The following SBF2 variants were observed in gnomAD, a reference collection of about 807,000 sequenced individuals.
SBF2 encodes the protein SET binding factor 2.
A neutral mutation model predicts 225.2 loss-of-function variants in SBF2; 112 were observed. The observed-to-expected ratio is 0.50, with a 90% CI of 0.43 to 0.58. The LOEUF is 0.58. SBF2 is among the 20% of genes least tolerant of loss of function. The pLI, the probability that SBF2 is intolerant of heterozygous loss-of-function variation, is 0.00. For synonymous variants in SBF2, 763 were observed against 773.3 expected, an observed-to-expected ratio of 0.99 and a Z score of 0.22; for missense variants, 1,996 against 2,206.2, an observed-to-expected ratio of 0.90 and a Z score of 1.91.
rs535598759 is a variant in SBF2 at position 10,132,747 on chromosome 11, C to T, written c.141+61155G>A. Among the ~76,000 whole-genome samples the T allele has an allele frequency of 2.8e-4, 42 of 148,894 alleles. 1 individual carries two copies. The Middle Eastern group carries it at 0.01, about 37-fold the overall frequency. On this transcript the variant is annotated intron_variant, in intron 2 of 39. Coordinates refer to ENST00000256190, the MANE Select transcript of SBF2 (RefSeq NM_030962.4). Reference sequence around the variant, plus strand: ...CCCGAGCGGGTTGCCAATGCTGGCTCGGGCAGCCTGCTTTTGTTCTGTTAT... The same window carrying T: ...CCCGAGCGGGTTGCCAATGCTGGCTTGGGCAGCCTGCTTTTGTTCTGTTAT...
At chr11:9,829,326 G>A in intron 28 of SBF2, 30 bp downstream of exon 28, 1 of 1,611,466 alleles carries the variant, frequency 6.2e-7, no homozygotes, top group Non-Finnish European at 8.5e-7. Context: ...ATTAGAAGCT[G>A]TCAAGAAGAA....
chr11:10,234,284 A>G (rs1041753067), intron 1 of SBF2, among the ~76,000 whole-genome samples: 1 of 152,014 alleles, frequency 6.6e-6, no homozygotes, highest in Non-Finnish European at 1.5e-5. Flanking sequence ...GGCATCAAGG[A>G]TGTATCTTTT....
Position 9,958,605 on chromosome 11 carries a change from G to T in SBF2, c.1860+3352C>A, listed in dbSNP as rs549506641. 10 of 211,330 alleles carry T rather than the reference G, an allele frequency of 4.7e-5. No individual in the cohort carries two copies. The East Asian group carries it at 1.2e-3, about 26-fold the overall frequency. The allele number at this position is 211,330 out of a possible 1,614,324, so 13.1% of individuals were successfully genotyped here. A position where few individuals can be genotyped will look rare whatever the true frequency, so the allele number is the denominator to read the frequency against. On this transcript the variant is annotated intron_variant, in intron 16 of 39. Transcript: ENST00000256190. The stretch of plus-strand genomic sequence containing the variant: ...GATCTCCTGACCTCCTGATCCGCCC[G>T]CCTCGGCCTCCCAAAGTGCTGGGAT...
At position 9,850,012 on chromosome 11, in the gene SBF2, T is replaced by C. The variant is rs754293241; in HGVS notation, c.2806+11A>G. ...CAGATACCCATGTTCTGATGGCATA[T>C]CGAGTCATACCTAACTGATCATGGG... On this transcript the variant is annotated intron_variant, in intron 22 of 39. Coordinates refer to ENST00000256190, the MANE Select transcript of SBF2 (RefSeq NM_030962.4). The C allele has an allele frequency of 6.2e-7, 1 of 1,612,052 alleles. No homozygotes were observed. Among genetic ancestry groups the C allele is most frequent in the South Asian group, 1.1e-5 (1 of 90,930 alleles).
intron 26 of SBF2, 117 bp downstream of exon 26, chr11:9,839,381 T>C: frequency 2.0e-6 from 2 of 1,020,746 alleles, no homozygotes; most frequent in Non-Finnish European, 3.1e-6. Flanking sequence ...GGAGACCTTG[T>C]TCTTATTTTC....
chr11:9,982,486 T>G, intron 13 of SBF2, among the ~76,000 whole-genome samples: 1 of 152,198 alleles, frequency 6.6e-6, no homozygotes, highest in East Asian at 1.9e-4. Flanking sequence ...GCAAAAAAAC[T>G]ATCACAGGAA....
chr11:9,891,208 G>T (rs542759506), intron 17 of SBF2, among the ~76,000 whole-genome samples: 2 of 151,294 alleles, frequency 1.3e-5, no homozygotes, highest in Non-Finnish European at 2.9e-5. Flanking sequence ...CACTGCTATT[G>T]TTGGGAAGGA....
chr11:9,888,111 A>G (rs1171496639), intron 17 of SBF2, among the ~76,000 whole-genome samples: 1 of 152,220 alleles, frequency 6.6e-6, no homozygotes, highest in East Asian at 1.9e-4. Flanking sequence ...ATTAATTACT[A>G]AGGCAAAGCC....
At chr11:10,124,681 G>C (rs960621340) in intron 2 of SBF2, among the ~76,000 whole-genome samples, 21 of 152,098 alleles carry the variant, frequency 1.4e-4, no homozygotes, top group Non-Finnish European at 7.4e-5. Flanking sequence ...TTTGTAGATA[G>C]AGCTATCACA....
At chr11:9,782,205 A>G (rs1339272307) in intron 38 of SBF2, among the ~76,000 whole-genome samples, 2 of 151,254 alleles carry the variant, frequency 1.3e-5, no homozygotes, top group Non-Finnish European at 2.9e-5. Context: ...AAAGAAGTCA[A>G]GTAACAACTG....
chr11:10,067,903 AG>A (rs1197395261), intron 2 of SBF2, among the ~76,000 whole-genome samples: 1 of 152,226 alleles, frequency 6.6e-6, no homozygotes, highest in Non-Finnish European at 1.5e-5. Context: ...AATAAAAAAA[AG>A]AAATGCAAAC....
intron 17 of SBF2, among the ~76,000 whole-genome samples, chr11:9,873,157 G>A (rs1858918378): frequency 8.3e-6 from 1 of 119,956 alleles, no homozygotes; most frequent in South Asian, 2.7e-4. Flanking sequence ...AGTGAGCCAA[G>A]ACCGCACCAC....
chr11:10,097,537 C>G (rs1276718609), intron 2 of SBF2, among the ~76,000 whole-genome samples: 1 of 151,898 alleles, frequency 6.6e-6, no homozygotes, highest in Non-Finnish European at 1.5e-5. Flanking sequence ...TTAAAAAAAG[C>G]TTATTAGAAA....
At chr11:10,105,731 T>A (rs2134987812) in intron 2 of SBF2, among the ~76,000 whole-genome samples, 1 of 152,332 alleles carries the variant, frequency 6.6e-6, no homozygotes, top group Non-Finnish European at 1.5e-5. Context: ...CCTGTATCGA[T>A]CAGCCATCAG....
chr11:10,006,980 T>C (rs1331538304), intron 6 of SBF2, among the ~76,000 whole-genome samples: 1 of 152,166 alleles, frequency 6.6e-6, no homozygotes, highest in African/African-American at 2.4e-5. Context: ...CCCAAGGCCG[T>C]CGGCACAAGA....
At chr11:10,164,278 A>G (rs1300376575) in intron 2 of SBF2, among the ~76,000 whole-genome samples, 2 of 152,206 alleles carry the variant, frequency 1.3e-5, no homozygotes, top group African/African-American at 2.4e-5. Flanking sequence ...ATAATTTTGT[A>G]GGACATAATT....
chr11:10,182,819 G>C (rs937425733), intron 2 of SBF2, among the ~76,000 whole-genome samples: 1 of 151,870 alleles, frequency 6.6e-6, no homozygotes, highest in African/African-American at 2.4e-5. Flanking sequence ...CTGTCGCCAG[G>C]CTGGAGTGCA....
Position 9,787,614 on chromosome 11 carries a change from A to AAGGGGC in SBF2, c.5037+14_5037+19dup, listed in dbSNP as rs759123434. On this transcript the variant is annotated intron_variant, in intron 36 of 39. Coordinates refer to ENST00000256190, the MANE Select transcript of SBF2 (RefSeq NM_030962.4). ...CTCAGAAAGCTCAGAAGTGGCTCTC[A>AAGGGGC]AGGGGCATTGCCAACTCACGCGATC... 10 of 1,603,448 alleles carry AAGGGGC rather than the reference A, an allele frequency of 6.2e-6. No homozygotes were observed. The highest frequency in any genetic ancestry group is 8.5e-6 in the Non-Finnish European group (10 of 1,170,380).
chr11:9,832,488 G>T, intron 26 of SBF2, 68 bp from the exon 27 acceptor site: 2 of 1,095,884 alleles, frequency 1.8e-6, no homozygotes, highest in African/African-American at 1.5e-5. Flanking sequence ...AAGGGGAAAG[G>T]AAATGAGAGA....
Sources: gnomAD v4.1 joint callset for allele counts (sites outside exome capture counted in the v4.1 genomes callset) on GRCh38, gnomAD v4.1.1 for gene constraint, MANE v1.5 for transcripts, NCBI Gene and HGNC (gene_info 2026-07-23, HGNC 2026-07-21) for gene names.